The following RXFP1 variants were observed in gnomAD, a reference collection of about 807,000 sequenced individuals.
RXFP1 encodes relaxin receptor 1.
A neutral mutation model predicts 89.8 loss-of-function variants in RXFP1; 73 were observed. The observed-to-expected ratio is 0.81, with a 90% CI of 0.67 to 0.99. The LOEUF (loss-of-function observed/expected upper bound fraction) is 0.99, where lower values mean the gene tolerates loss of function less well. Ranked by LOEUF, RXFP1 falls within the 50% of genes least tolerant of loss-of-function variation. The pLI, the probability that RXFP1 is intolerant of heterozygous loss-of-function variation, is 0.00. For missense variants in RXFP1, 793 were observed against 895.5 expected (o/e 0.89, Z 1.46); for synonymous variants, 277 against 305.5 (o/e 0.91, Z 0.97).
At chr4:158,626,124 ATAGATAG>A (rs1766701123) in intron 9 of RXFP1, among the ~76,000 whole-genome samples, 1 of 111,336 alleles carries the variant, frequency 9.0e-6, no homozygotes, top group African/African-American at 3.0e-5. Context: ...AGATAGATAG[ATAGATAG>A]ATAGATAGAT....
At chr4:158,534,314 C>A (rs1214420909) in intron 1 of RXFP1, among the ~76,000 whole-genome samples, 1 of 148,072 alleles carries the variant, frequency 6.8e-6, no homozygotes, top group Non-Finnish European at 1.5e-5. Flanking sequence ...ATGGTGCAAT[C>A]TCTGCTCATT....
At chr4:158,650,432 A>AATATATATATATATATATAT (rs149845150) in intron 17 of RXFP1, among the ~76,000 whole-genome samples, 26 of 145,470 alleles carry the variant, frequency 1.8e-4, no homozygotes, top group African/African-American at 6.1e-4. Flanking sequence ...AATATATATA[A>AATATATATATATATATATAT]ATATATATAT....
At chr4:158,600,760 A>G (rs1476938405) in intron 4 of RXFP1, among the ~76,000 whole-genome samples, 1 of 151,976 alleles carries the variant, frequency 6.6e-6, no homozygotes, top group Non-Finnish European at 1.5e-5. Context: ...CTGGGAGGTC[A>G]AGGCTGCAGT....
chr4:158,624,352 G>A (rs1001320791), intron 9 of RXFP1, among the ~76,000 whole-genome samples: 3 of 152,136 alleles, frequency 2.0e-5, no homozygotes, highest in African/African-American at 7.2e-5. Context: ...GGTAGAGGAG[G>A]AAGCAGATAG....
intron 1 of RXFP1, among the ~76,000 whole-genome samples, chr4:158,551,874 A>T (rs1750221025): frequency 6.6e-6 from 1 of 151,544 alleles, no homozygotes; most frequent in African/African-American, 2.4e-5. Flanking sequence ...CCAGGAGGTC[A>T]AGGCTGCAGT....
chr4:158,647,189 G>T lies in RXFP1; in HGVS notation c.1744G>T (p.Ala582Ser). The T allele has an allele frequency of 1.9e-6, 3 of 1,560,902 alleles. No homozygotes were observed. Among genetic ancestry groups the T allele is most frequent in the Non-Finnish European group, 2.6e-6 (3 of 1,157,558 alleles). The stretch of plus-strand genomic sequence containing the variant: ...TATTGGAGCCCAGATTTATTCAGTG[G>T]CAATTTTTCTTGGTAAGAAACTAAG... ...ESIGAQIYSVAIFLGINLAAF... is the reference protein window; with the variant it reads ...ESIGAQIYSVSIFLGINLAAF... Residue 582 changes from alanine to serine, a missense_variant, in exon 16 of 18, where the codon GCA becomes TCA. Physicochemically the swap from Ala to Ser is moderately conservative, Grantham distance 99. Coordinates refer to ENST00000307765, the MANE Select transcript of RXFP1 (RefSeq NM_021634.4).
intron 1 of RXFP1, among the ~76,000 whole-genome samples, chr4:158,523,743 C>T (rs944906258): frequency 6.6e-6 from 1 of 152,180 alleles, no homozygotes; most frequent in African/African-American, 2.4e-5. Context: ...TGAAATAGCA[C>T]CCACAGCCGT....
At chr4:158,575,338 G>A (rs565929806) in intron 2 of RXFP1, among the ~76,000 whole-genome samples, 1 of 152,168 alleles carries the variant, frequency 6.6e-6, no homozygotes, top group South Asian at 2.1e-4. Flanking sequence ...AAAATGGCTT[G>A]TTTTCTTTTC....
chr4:158,527,049 G>A (rs1267824390), intron 1 of RXFP1, among the ~76,000 whole-genome samples: 2 of 152,006 alleles, frequency 1.3e-5, no homozygotes, highest in African/African-American at 4.8e-5. Flanking sequence ...ATTTAGACAG[G>A]GTGCTCAGTT....
chr4:158,543,518 C>A (rs182160500), intron 1 of RXFP1, among the ~76,000 whole-genome samples: 1 of 152,262 alleles, frequency 6.6e-6, no homozygotes. Context: ...GCAGTCACCT[C>A]ATCTAATGGT....
At chr4:158,534,533 C>CA (rs1313782111) in intron 1 of RXFP1, among the ~76,000 whole-genome samples, 3 of 152,168 alleles carry the variant, frequency 2.0e-5, no homozygotes, top group Non-Finnish European at 4.4e-5. Context: ...AGGCATGAGC[C>CA]ACCGCGCCCG....
chr4:158,533,374 G>C (rs941953272), intron 1 of RXFP1, among the ~76,000 whole-genome samples: 4 of 151,888 alleles, frequency 2.6e-5, no homozygotes, highest in African/African-American at 9.7e-5. Context: ...CATGAAGGAA[G>C]CATAAATGGA....
intron 8 of RXFP1, among the ~76,000 whole-genome samples, chr4:158,616,542 G>A (rs542521608): frequency 7.3e-6 from 1 of 137,244 alleles, no homozygotes; most frequent in South Asian, 2.2e-4. Flanking sequence ...TGTTGTTGAC[G>A]GGTTTAGGCT....
intron 2 of RXFP1, among the ~76,000 whole-genome samples, chr4:158,575,033 A>G (rs773021722): frequency 8.5e-5 from 13 of 152,210 alleles, no homozygotes; most frequent in Non-Finnish European, 1.6e-4. Context: ...GCAACAGGAA[A>G]ACTTCACTCC....
At chr4:158,632,993 A>C (rs978968258) in intron 11 of RXFP1, among the ~76,000 whole-genome samples, 1 of 152,092 alleles carries the variant, frequency 6.6e-6, no homozygotes, top group Non-Finnish European at 1.5e-5. Context: ...AACATAGTGA[A>C]ACCCCGTCTC....
chr4:158,622,794 T>A (rs61108857), intron 9 of RXFP1, among the ~76,000 whole-genome samples: 39,757 of 152,074 alleles, frequency 0.26, 8,651 homozygotes, highest in African/African-American at 0.59. Context: ...GTATGGCATG[T>A]CTATAGTTTA....
intron 1 of RXFP1, among the ~76,000 whole-genome samples, chr4:158,542,362 G>A (rs1218908190): frequency 6.6e-6 from 1 of 151,752 alleles, no homozygotes. Context: ...TGGACAAGTT[G>A]TTCCATAGAA....
intron 3 of RXFP1, among the ~76,000 whole-genome samples, chr4:158,595,598 A>G (rs551751875): frequency 6.6e-6 from 1 of 152,226 alleles, no homozygotes; most frequent in African/African-American, 2.4e-5. Flanking sequence ...AATTATTTTT[A>G]AAAAAGCAAG....
chr4:158,542,109 A>ATATATATATT lies in RXFP1; in HGVS notation c.49+20085_49+20086insATATATATTT. On this transcript the variant is annotated intron_variant, in intron 1 of 17. Coordinates refer to ENST00000307765, the MANE Select transcript of RXFP1 (RefSeq NM_021634.4). ...TATATATATATATATATATATATAT[A>ATATATATATT]TTTTTTTTTTAGTAGAGACAGGGTT... 5.1e-3 allele frequency among the ~76,000 whole-genome samples: 178 copies of ATATATATATT among 35,186 alleles called. 2 individuals are homozygous for ATATATATATT. The highest frequency in any genetic ancestry group is 9.9e-3 in the East Asian group (8 of 810). The allele number at this position is 35,186 out of a possible 152,430, so 23.1% of individuals were successfully genotyped here.
Sources: gnomAD v4.1 joint callset for allele counts (sites outside exome capture counted in the v4.1 genomes callset) on GRCh38, gnomAD v4.1.1 for gene constraint, MANE v1.5 for transcripts, NCBI Gene and HGNC (gene_info 2026-07-23, HGNC 2026-07-21) for gene names.